TRAF3: variants seen among roughly 807,000 people sequenced by gnomAD.
TRAF3 encodes the protein TNF receptor-associated factor 3.
TRAF3 carries 13 observed loss-of-function variants against 62.3 expected under a neutral mutation model. That is an observed-to-expected ratio of 0.21 (90% confidence interval 0.14 to 0.33). The LOEUF (loss-of-function observed/expected upper bound fraction) is 0.33. TRAF3 is among the 10% of genes least tolerant of loss of function. The pLI, the probability that TRAF3 is intolerant of heterozygous loss-of-function variation, is 1.00. For synonymous variants in TRAF3, 269 were observed against 283.4 expected (o/e 0.95, Z 0.51); for missense variants, 440 against 741.8 (o/e 0.59, Z 4.73).
Position 102,903,594 on chromosome 14 carries a change from C to T in TRAF3, c.1135+165C>T, listed in dbSNP as rs1890419221. On this transcript the variant is annotated intron_variant, in intron 11 of 11. Coordinates refer to ENST00000392745, the MANE Select transcript of TRAF3 (RefSeq NM_145725.3). The surrounding 1 kb of genome is among the most constrained non-coding windows in gnomAD (Gnocchi z 6.4). ...GTGTGATGACTTTCCTACTGAAAGT[C>T]CCCCAGCAAAGACAAACGTTTCCCG... The T allele has an allele frequency of 1.9e-6, 2 of 1,049,946 alleles. No individual in the cohort carries two copies. The highest frequency in any genetic ancestry group is 5.2e-5 in the East Asian group (2 of 38,484). The allele number at this position is 1,049,946 out of a possible 1,614,324, so 65.0% of individuals were successfully genotyped here.
At chr14:102,783,774 A>G (rs1200654853) in intron 1 of TRAF3, among the ~76,000 whole-genome samples, 1 of 152,102 alleles carries the variant, frequency 6.6e-6, no homozygotes, top group African/African-American at 2.4e-5. Flanking sequence ...GAGGGTACCA[A>G]CTTTGAGGAT....
chr14:102,782,906 TG>T (rs780918720), intron 1 of TRAF3, among the ~76,000 whole-genome samples: 1 of 152,046 alleles, frequency 6.6e-6, no homozygotes, highest in Non-Finnish European at 1.5e-5. Flanking sequence ...ATTAACCAAG[TG>T]GGGTAATATA....
chr14:102,898,509 G>T (rs1035632700), intron 10 of TRAF3, among the ~76,000 whole-genome samples: 1 of 152,214 alleles, frequency 6.6e-6, no homozygotes. Context: ...CCTGTGGCCC[G>T]CCTGCACCTG....
At chr14:102,857,062 C>G (rs1168928861) in intron 2 of TRAF3, among the ~76,000 whole-genome samples, 1 of 152,178 alleles carries the variant, frequency 6.6e-6, no homozygotes, top group African/African-American at 2.4e-5. Context: ...CCTGAGTAAA[C>G]TAAACAAGAA....
At chr14:102,897,505 G>A in intron 10 of TRAF3, 104 bp downstream of exon 10, 1 of 1,460,262 alleles carries the variant, frequency 6.8e-7, no homozygotes, top group Non-Finnish European at 9.4e-7. Context: ...CTTGACCTTT[G>A]CAAGCAGAAA....
chr14:102,868,488 A>T (rs1052179144), intron 2 of TRAF3, among the ~76,000 whole-genome samples: 1 of 152,196 alleles, frequency 6.6e-6, no homozygotes, highest in Non-Finnish European at 1.5e-5. Context: ...CAGGAAGGGC[A>T]TCTGTGCTGG....
At chr14:102,883,808 A>T (rs1054056121) in intron 6 of TRAF3, among the ~76,000 whole-genome samples, 1 of 151,208 alleles carries the variant, frequency 6.6e-6, no homozygotes, top group African/African-American at 2.4e-5. Flanking sequence ...CTGGTTTCAA[A>T]CTCCTGCCCC....
chr14:102,824,877 A>C (rs577897895), intron 1 of TRAF3, among the ~76,000 whole-genome samples: 1 of 152,322 alleles, frequency 6.6e-6, no homozygotes, highest in South Asian at 2.1e-4. Flanking sequence ...CTATTTGGTA[A>C]CAGTCATGCC....
intron 1 of TRAF3, among the ~76,000 whole-genome samples, chr14:102,780,268 G>C (rs567627241): frequency 2.2e-4 from 33 of 152,224 alleles, no homozygotes; most frequent in Non-Finnish European, 3.8e-4. Context: ...CACCGCAGCA[G>C]GCTTTGGGTC....
At chr14:102,874,089 A>G (rs957343076) in intron 4 of TRAF3, among the ~76,000 whole-genome samples, 1 of 152,136 alleles carries the variant, frequency 6.6e-6, no homozygotes, top group Non-Finnish European at 1.5e-5. Context: ...TGGAGACCCC[A>G]TCTCTACAAA....
intron 6 of TRAF3, among the ~76,000 whole-genome samples, chr14:102,881,395 CAA>C (rs57546209): frequency 0.017 from 2,024 of 117,378 alleles, 34 homozygotes; most frequent in African/African-American, 0.05. Flanking sequence ...ACAACAAAAA[CAA>C]AAAAAAAAAA....
intron 1 of TRAF3, among the ~76,000 whole-genome samples, chr14:102,804,109 G>T (rs564397524): frequency 1.3e-5 from 2 of 152,058 alleles, no homozygotes; most frequent in Admixed American, 1.3e-4. Context: ...AGGGTTCTTT[G>T]AGCCCAGGAG....
intron 1 of TRAF3, among the ~76,000 whole-genome samples, chr14:102,827,637 A>T (rs1362602237): frequency 6.6e-6 from 1 of 152,200 alleles, no homozygotes; most frequent in East Asian, 1.9e-4. Flanking sequence ...TTTTTGGATT[A>T]GGGATGCTCC....
At chr14:102,847,088 A>G (rs1412370425) in intron 2 of TRAF3, among the ~76,000 whole-genome samples, 5 of 152,196 alleles carry the variant, frequency 3.3e-5, no homozygotes, top group Non-Finnish European at 5.9e-5. Flanking sequence ...AAATGTGGAA[A>G]ATCCCCAAAG....
At chr14:102,802,347 G>T (rs1898489907) in intron 1 of TRAF3, among the ~76,000 whole-genome samples, 2 of 146,750 alleles carry the variant, frequency 1.4e-5, no homozygotes, top group Admixed American at 1.4e-4. Flanking sequence ...GTAGAGATGG[G>T]GTTTCACTAT....
rs570237908 is a variant in TRAF3, at chr14:102,877,265, C to G, written c.570+740C>G. Among the ~76,000 whole-genome samples the G allele has an allele frequency of 3.3e-5, 5 of 149,596 alleles. No individual in the cohort carries two copies. In the East Asian group the frequency reaches 9.9e-4, roughly 30 times the overall value. On this transcript the variant is annotated intron_variant, in intron 6 of 11. Transcript: ENST00000392745. ...CTCATAGATAATCCATTCCACAGGC[C>G]TTCCGCTCAGCTCATAGATAATCCA... is the stretch of plus-strand genomic sequence containing the variant.
At chr14:102,883,888 C>T (rs900050697) in intron 6 of TRAF3, among the ~76,000 whole-genome samples, 2 of 152,148 alleles carry the variant, frequency 1.3e-5, no homozygotes, top group Non-Finnish European at 2.9e-5. Flanking sequence ...TTTCAACTCA[C>T]ACATGTGTGC....
chr14:102,876,546 C>G (rs774990705), intron 6 of TRAF3, 21 bp downstream of exon 6: 6 of 1,611,054 alleles, frequency 3.7e-6, no homozygotes, highest in African/African-American at 1.3e-5. Flanking sequence ...TCCCATTCCA[C>G]AGGCCTTCCA....
At chr14:102,806,039 G>A (rs185233964) in intron 1 of TRAF3, among the ~76,000 whole-genome samples, 3 of 151,218 alleles carry the variant, frequency 2.0e-5, no homozygotes, top group East Asian at 2.0e-4. Context: ...GTGCAGTTTC[G>A]TACCCTAGGG....
Sources: allele counts gnomAD v4.1 joint callset (sites outside exome capture counted in the v4.1 genomes callset), GRCh38; gene constraint gnomAD v4.1.1; non-coding constraint Gnocchi (gnomAD v3.1); transcripts MANE v1.5; gene names NCBI Gene and HGNC (gene_info 2026-07-23, HGNC 2026-07-21).